The following ALK variants were observed in gnomAD, a reference collection of about 807,000 sequenced individuals.
ALK encodes the protein ALK receptor tyrosine kinase.
ALK carries 74 observed loss-of-function variants against 163.1 expected under a neutral mutation model. The observed-to-expected ratio is 0.45, with a 90% CI of 0.38 to 0.55. The LOEUF (loss-of-function observed/expected upper bound fraction) is 0.55, where lower values mean the gene tolerates loss of function less well. Among genes scored for constraint, ALK ranks in the 20% least tolerant of loss-of-function variants. The pLI is 0.00. For missense variants in ALK, 2,063 were observed against 2,105.3 expected, an observed-to-expected ratio of 0.98 and a Z score of 0.39; for synonymous variants, 960 against 843.2, an observed-to-expected ratio of 1.14 and a Z score of -2.40.
chr2:29,593,773 C>T (rs1476696161), intron 3 of ALK, among the ~76,000 whole-genome samples: 1 of 152,206 alleles, frequency 6.6e-6, no homozygotes, highest in African/African-American at 2.4e-5. Flanking sequence ...CTCTGATATC[C>T]TATGTGACTA....
At chr2:29,619,806 C>T (rs200050439) in intron 3 of ALK, among the ~76,000 whole-genome samples, 10 of 152,292 alleles carry the variant, frequency 6.6e-5, no homozygotes, top group Middle Eastern at 3.4e-3. Context: ...GTCTGCTGCC[C>T]GCACTCAGCC....
intron 15 of ALK, among the ~76,000 whole-genome samples, chr2:29,231,600 A>AT (rs112980169): frequency 0.12 from 17,718 of 152,192 alleles, 1,227 homozygotes; most frequent in African/African-American, 0.19. Flanking sequence ...CTACTCTTCT[A>AT]TTCTAGCCGT....
rs771588846 is a variant in ALK, at chr2:29,612,664, C to T, written c.953-80548G>A. Reference sequence around the variant, plus strand: ...CCCCTAGCCCTGAACGATCGCCCTCCTGTTGAGGAGTCTGTGATGGCAACA... The same window carrying T: ...CCCCTAGCCCTGAACGATCGCCCTCTTGTTGAGGAGTCTGTGATGGCAACA... On this transcript the variant is annotated intron_variant, in intron 3 of 28. Transcript: ENST00000389048. Among the ~76,000 whole-genome samples the T allele has an allele frequency of 1.5e-4, 23 of 152,282 alleles. 1 individual carries two copies. Among genetic ancestry groups the T allele is most frequent in the South Asian group, 8.3e-4 (4 of 4,822 alleles).
At chr2:29,301,279 C>A (rs897274945) in intron 8 of ALK, among the ~76,000 whole-genome samples, 1 of 152,116 alleles carries the variant, frequency 6.6e-6, no homozygotes, top group African/African-American at 2.4e-5. Flanking sequence ...TTCTTTTCAT[C>A]CATCTCAGAA....
At chr2:29,811,987 T>C (rs1429389047) in intron 1 of ALK, among the ~76,000 whole-genome samples, 1 of 152,140 alleles carries the variant, frequency 6.6e-6, no homozygotes. Context: ...GAAACACACA[T>C]GGCAAAGATG....
At chr2:29,380,724 G>T (rs145723584) in intron 5 of ALK, among the ~76,000 whole-genome samples, 1 of 152,162 alleles carries the variant, frequency 6.6e-6, no homozygotes, top group East Asian at 1.9e-4. Context: ...ATTAGCCACC[G>T]TGCCTGGCCC....
At chr2:29,904,215 T>C (rs1379554822) in intron 1 of ALK, among the ~76,000 whole-genome samples, 6 of 152,224 alleles carry the variant, frequency 3.9e-5, no homozygotes, top group African/African-American at 1.4e-4. Flanking sequence ...ATATTATTTA[T>C]GATTTAATTA....
chr2:29,833,427 A>T (rs796347681), intron 1 of ALK, among the ~76,000 whole-genome samples: 8 of 152,278 alleles, frequency 5.3e-5, no homozygotes, highest in African/African-American at 1.9e-4. Flanking sequence ...ATCATCTCTC[A>T]TGCTCTACAG....
At chr2:29,543,097 G>A (rs995816863) in intron 3 of ALK, among the ~76,000 whole-genome samples, 1 of 151,874 alleles carries the variant, frequency 6.6e-6, no homozygotes, top group African/African-American at 2.4e-5. Flanking sequence ...AAATGCATGG[G>A]AGCCACACAA....
chr2:29,921,581 G>C lies in ALK; in HGVS notation c.-922C>G, dbSNP rs372410498. The stretch of plus-strand genomic sequence containing the variant: ...CTGCCGCCCCCAGAGCCGCTGGATC[G>C]CATCTGCCTGGGCGCCCGCCACTTG... On this transcript the variant is annotated 5_prime_UTR_variant, in exon 1 of 29. Transcript: ENST00000389048. The C allele has an allele frequency of 4.3e-6, 1 of 230,248 alleles. No homozygotes were observed. The highest frequency in any genetic ancestry group is 8.6e-6 in the Non-Finnish European group (1 of 116,094). 14.3% of individuals were successfully genotyped at this position (230,248 alleles called of 1,614,324 possible).
At chr2:29,849,400 C>A (rs964716682) in intron 1 of ALK, among the ~76,000 whole-genome samples, 5 of 152,148 alleles carry the variant, frequency 3.3e-5, no homozygotes, top group Non-Finnish European at 7.3e-5. Flanking sequence ...GAGGGACTAC[C>A]CACAGAGCTG....
chr2:29,392,981 T>TTCAAGGTCACTGAATGC (rs146343906), intron 4 of ALK, among the ~76,000 whole-genome samples: 5 of 151,846 alleles, frequency 3.3e-5, no homozygotes, highest in African/African-American at 9.7e-5. Context: ...TCACTCAAAG[T>TTCAAGGTCACTGAATGC]TCAAGGTCAC....
intron 11 of ALK, among the ~76,000 whole-genome samples, chr2:29,269,258 A>T (rs1033418528): frequency 7.2e-5 from 11 of 152,316 alleles, no homozygotes; most frequent in African/African-American, 2.4e-4. Context: ...TCTATTGCTG[A>T]TGGGTGCTTG....
chr2:29,846,256 C>T (rs956218353), intron 1 of ALK, among the ~76,000 whole-genome samples: 4 of 152,220 alleles, frequency 2.6e-5, no homozygotes, highest in Non-Finnish European at 2.9e-5. Flanking sequence ...CTTGCCCCCC[C>T]ACCTGACCGC....
intron 4 of ALK, among the ~76,000 whole-genome samples, chr2:29,492,624 C>G (rs1162669060): frequency 6.6e-6 from 1 of 152,144 alleles, no homozygotes; most frequent in African/African-American, 2.4e-5. Flanking sequence ...GTAGTTCTGC[C>G]TGATAAGAAA....
intron 1 of ALK, among the ~76,000 whole-genome samples, chr2:29,884,536 C>T (rs1442288739): frequency 2.0e-5 from 3 of 151,946 alleles, no homozygotes; most frequent in South Asian, 2.1e-4. Context: ...GGGGTAAATA[C>T]GTTTTTATGT....
chr2:29,897,924 G>A (rs983786309), intron 1 of ALK, among the ~76,000 whole-genome samples: 6 of 152,124 alleles, frequency 3.9e-5, no homozygotes, highest in Non-Finnish European at 8.8e-5. Flanking sequence ...TTGTGCTATA[G>A]AGAGAGGTGG....
chr2:29,448,581 T>C (rs527499147), intron 4 of ALK, among the ~76,000 whole-genome samples: 1 of 152,274 alleles, frequency 6.6e-6, no homozygotes, highest in East Asian at 1.9e-4. Context: ...GGGACATCTA[T>C]AGAGCACAGT....
chr2:29,774,591 C>T (rs1419676938), intron 1 of ALK, among the ~76,000 whole-genome samples: 1 of 152,188 alleles, frequency 6.6e-6, no homozygotes, highest in Non-Finnish European at 1.5e-5. Flanking sequence ...GGTCCTAGGG[C>T]AGAATCCAAC....
Sources: gnomAD v4.1 joint callset for allele counts (sites outside exome capture counted in the v4.1 genomes callset) on GRCh38, gnomAD v4.1.1 for gene constraint, MANE v1.5 for transcripts, NCBI Gene and HGNC (gene_info 2026-07-23, HGNC 2026-07-21) for gene names.